Variants in MED28 observed in about 807,000 individuals in gnomAD.
The protein encoded by MED28 is mediator complex subunit 28, also known as mediator of RNA polymerase II transcription subunit 28.
A neutral mutation model predicts 21.3 loss-of-function variants in MED28; 26 were observed. That is an observed-to-expected ratio of 1.22 (90% CI 0.89 to 1.69). The LOEUF (loss-of-function observed/expected upper bound fraction) is 1.69, where lower values mean the gene tolerates loss of function less well. Among genes scored for constraint, MED28 ranks in the 40% most tolerant of loss-of-function variants. The pLI, the probability that MED28 is intolerant of heterozygous loss-of-function variation, is 0.00. For synonymous variants in MED28, 110 were observed against 87.6 expected (o/e 1.26, Z -1.43); for missense variants, 257 against 215.4 (o/e 1.19, Z -1.21).
intron 3 of MED28, among the ~76,000 whole-genome samples, chr4:17,622,636 A>C (rs1714669247): frequency 6.6e-6 from 1 of 152,208 alleles, no homozygotes; most frequent in Non-Finnish European, 1.5e-5. Context: ...TCTCAGCAGT[A>C]GCCTTTGGAG....
At position 17,618,876 on chromosome 4, in the gene MED28, A is replaced by G. The variant is rs556612594; in HGVS notation, c.160-1025A>G. 7.9e-5 allele frequency among the ~76,000 whole-genome samples: 12 copies of G among 152,330 alleles called. No individual in the cohort carries two copies. In the East Asian group the frequency reaches 1.4e-3, roughly 17 times the overall value. On this transcript the variant is annotated intron_variant, in intron 1 of 3. Coordinates refer to ENST00000237380, the MANE Select transcript of MED28 (RefSeq NM_025205.5). ...TTCAAAGTAATCCTGAGAATGGGCA[A>G]TCTGTTTTTCTGATTTACTTTCTCT...
chr4:17,624,544 G>A lies in MED28; in HGVS notation c.*746G>A, dbSNP rs1714723161. On this transcript the variant is annotated 3_prime_UTR_variant, in exon 4 of 4. Transcript: ENST00000237380. The stretch of plus-strand genomic sequence containing the variant: ...TTCTGCAGTAATGAATCTGTTTAAT[G>A]GGTCAGTCACTGTTTTCAGTAGCAT... 1 of 103,202 alleles carries A rather than the reference G, an allele frequency of 9.7e-6. No homozygotes were observed. The allele number at this position is 103,202 out of a possible 1,614,324, so 6.4% of individuals were successfully genotyped here.
In MED28 at chr4:17,623,795, G is replaced by A. The variant is rs374368687; in HGVS notation, c.534G>A (p.Thr178=). The change falls in exon 4 of 4, where the codon ACG becomes ACA. Residue 178 remains threonine, a synonymous_variant. Coordinates refer to ENST00000237380, the MANE Select transcript of MED28 (RefSeq NM_025205.5). ...SANIPAPLKP[T] is the part of the protein sequence containing the mutation. ...ACATCCCTGCACCTCTGAAGCCAAC[G>A]TGAGCAAAGGGCAGAGGCAGTTGGC... 7.4e-6 allele frequency: 12 copies of A among 1,612,942 alleles called. No homozygotes were observed. The highest frequency in any genetic ancestry group is 2.7e-5 in the African/African-American group (2 of 74,926).
rs776440382 is a variant in MED28 at position 17,614,698 on chromosome 4, G to C, written c.44G>C (p.Gly15Ala). ...GGTATGTTTTCTGGGCAGCCACCCGGTCCCCCTCAGGCCCCGCCGGGCCTT... is the reference window on the plus strand; with the variant it reads ...GGTATGTTTTCTGGGCAGCCACCCGCTCCCCCTCAGGCCCCGCCGGGCCTT... ...LGGMFSGQPP[G>A]PPQAPPGLPG... Residue 15 changes from glycine (G) to alanine (A), a missense_variant, in exon 1 of 4, where the codon GGT (glycine) becomes GCT (alanine). By Grantham distance (60) the Gly-to-Ala change is moderately conservative. Coordinates refer to ENST00000237380, the MANE Select transcript of MED28 (RefSeq NM_025205.5). 20 of 1,613,976 alleles carry C rather than the reference G, an allele frequency of 1.2e-5. No homozygotes were observed. The highest frequency in any genetic ancestry group is 1.7e-5 in the Admixed American group (1 of 60,002).
At position 17,623,590 on chromosome 4, in the gene MED28, T is replaced by G. The variant is rs1298420289; in HGVS notation, c.340-11T>G. ...ATTTGCTCTGACTTAGTCCATGACTTTCATCTGCAGGATGTGTCAGAACTA... is the reference window on the plus strand; with the variant it reads ...ATTTGCTCTGACTTAGTCCATGACTGTCATCTGCAGGATGTGTCAGAACTA... On this transcript the variant is annotated splice_polypyrimidine_tract_variant and intron_variant, in intron 3 of 3. Transcript: ENST00000237380. 2 of 1,613,296 alleles carry G rather than the reference T, an allele frequency of 1.2e-6. No homozygotes were observed. The highest frequency in any genetic ancestry group is 1.7e-6 in the Non-Finnish European group (2 of 1,179,696).
intron 2 of MED28, among the ~76,000 whole-genome samples, chr4:17,620,519 G>A (rs1714592928): frequency 6.6e-6 from 1 of 152,084 alleles, no homozygotes; most frequent in African/African-American, 2.4e-5. Context: ...TTTTAGTAGA[G>A]ACGGGGTTTC....
chr4:17,616,566 T>C (rs1271224505), intron 1 of MED28, among the ~76,000 whole-genome samples: 1 of 152,224 alleles, frequency 6.6e-6, no homozygotes, highest in Non-Finnish European at 1.5e-5. Flanking sequence ...TCAGACTCGT[T>C]TCCTTACTGC....
chr4:17,620,170 A>G, intron 2 of MED28: 1 of 576,074 alleles, frequency 1.7e-6, no homozygotes, highest in Non-Finnish European at 3.1e-6. Flanking sequence ...ATCATTTATA[A>G]TGAACTTTTC....
rs377722370 is a variant in MED28, at chr4:17,614,696, C to G, written c.42C>G (p.Pro14=). 7.4e-6 allele frequency: 12 copies of G among 1,614,024 alleles called. No individual in the cohort carries two copies. Among genetic ancestry groups the G allele is most frequent in the Middle Eastern group, 1.6e-4 (1 of 6,064 alleles). The change falls in exon 1 of 4, where the codon CCC becomes CCG. Residue 14 remains proline, a synonymous_variant. Coordinates refer to ENST00000237380, the MANE Select transcript of MED28 (RefSeq NM_025205.5). ...GGGGTATGTTTTCTGGGCAGCCACC[C>G]GGTCCCCCTCAGGCCCCGCCGGGCC... ...PLGGMFSGQP[P]GPPQAPPGLP...
intron 3 of MED28, 151 bp downstream of exon 3, chr4:17,621,850 G>T: frequency 1.6e-6 from 1 of 635,156 alleles, no homozygotes; most frequent in South Asian, 2.1e-5. Context: ...CCATGTTTGG[G>T]ACAACCTGAA....
At chr4:17,615,973 T>A (rs960146667) in intron 1 of MED28, among the ~76,000 whole-genome samples, 7 of 152,164 alleles carry the variant, frequency 4.6e-5, no homozygotes, top group African/African-American at 1.7e-4. Context: ...TAGAAATAAA[T>A]GATTTGAGAT....
chr4:17,622,884 C>A (rs140595529), intron 3 of MED28, among the ~76,000 whole-genome samples: 1,964 of 152,170 alleles, frequency 0.013, 41 homozygotes, highest in African/African-American at 0.045. Flanking sequence ...TTTTTAAAAC[C>A]ATCAGATCTC....
Position 17,632,642 on chromosome 4 carries a change from G to T in MED28, c.*8844G>T, listed in dbSNP as rs1228709837. ...TCTGGGGTCCTAAAAGCAAAAAAAGGTTTTTTTATATGGTTTTGAAAACTA... is the reference window on the plus strand; with the variant it reads ...TCTGGGGTCCTAAAAGCAAAAAAAGTTTTTTTTATATGGTTTTGAAAACTA... On this transcript the variant is annotated 3_prime_UTR_variant, in exon 4 of 4. Coordinates refer to ENST00000237380, the MANE Select transcript of MED28 (RefSeq NM_025205.5). The T allele has an allele frequency of 9.5e-6, 10 of 1,055,978 alleles. No individual in the cohort carries two copies. Among genetic ancestry groups the T allele is most frequent in the Non-Finnish European group, 1.3e-5 (9 of 719,488 alleles). The allele number at this position is 1,055,978 out of a possible 1,614,324, so 65.4% of individuals were successfully genotyped here.
At position 17,633,667 on chromosome 4, in the gene MED28, C is replaced by CT. The variant is rs1299390898; in HGVS notation, c.*9870dup. ...CTACAGGGAAATAGAATAAGGGCCCCTGTCCCCAACATCCCCCAAACCTTG... is the reference window on the plus strand; with the variant it reads ...CTACAGGGAAATAGAATAAGGGCCCCTTGTCCCCAACATCCCCCAAACCTTG... On this transcript the variant is annotated 3_prime_UTR_variant, in exon 4 of 4. Transcript: ENST00000237380. 2.7e-6 allele frequency: 4 copies of CT among 1,488,308 alleles called. No individual in the cohort carries two copies. The African/African-American group carries it at 5.7e-5, about 21-fold the overall frequency. The allele number at this position is 1,488,308 out of a possible 1,614,324, so 92.2% of individuals were successfully genotyped here.
chr4:17,618,683 A>AT (rs1285337989), intron 1 of MED28, among the ~76,000 whole-genome samples: 1 of 151,746 alleles, frequency 6.6e-6, no homozygotes, highest in Admixed American at 6.6e-5. Context: ...TGCCCAGCTA[A>AT]TTTTTTGTAT....
intron 3 of MED28, among the ~76,000 whole-genome samples, chr4:17,623,270 G>A (rs906918977): frequency 2.0e-5 from 3 of 151,846 alleles, no homozygotes; most frequent in Non-Finnish European, 2.9e-5. Flanking sequence ...GTGTGGTGGC[G>A]TGTGCCTGTG....
At chr4:17,622,964 C>T (rs915333774) in intron 3 of MED28, among the ~76,000 whole-genome samples, 2 of 152,176 alleles carry the variant, frequency 1.3e-5, no homozygotes, top group Non-Finnish European at 2.9e-5. Context: ...TACCTCTCAC[C>T]AGGTTCCTCC....
At chr4:17,620,690 C>T (rs116004497) in intron 2 of MED28, among the ~76,000 whole-genome samples, 1,611 of 109,166 alleles carry the variant, frequency 0.015, 37 homozygotes, top group African/African-American at 0.055. Context: ...TCTGCATTGT[C>T]TCTTTTTTTT....
At chr4:17,622,521 GA>G (rs1338248347) in intron 3 of MED28, among the ~76,000 whole-genome samples, 1 of 152,068 alleles carries the variant, frequency 6.6e-6, no homozygotes, top group East Asian at 1.9e-4. Context: ...AAAAGCTCTT[GA>G]AAATGTAATT....
Sources: gnomAD v4.1 joint callset for allele counts (sites outside exome capture counted in the v4.1 genomes callset) on GRCh38, gnomAD v4.1.1 for gene constraint, MANE v1.5 for transcripts, NCBI Gene and HGNC (gene_info 2026-07-23, HGNC 2026-07-21) for gene names.